The following RAPGEF5 variants were observed in gnomAD, a reference collection of about 807,000 sequenced individuals.
The protein encoded by RAPGEF5 is M-Ras-regulated GEF.
RAPGEF5 carries 65 observed loss-of-function variants against 125.2 expected under a neutral mutation model. The ratio of observed to expected loss-of-function variants is 0.52; its 90% confidence interval spans 0.43 to 0.64. RAPGEF5 has a LOEUF of 0.64. Among genes scored for constraint, RAPGEF5 ranks in the 30% least tolerant of loss-of-function variants. The pLI is 0.00. For synonymous variants in RAPGEF5, 391 were observed against 385.9 expected, an observed-to-expected ratio of 1.01 and a Z score of -0.16; for missense variants, 958 against 1,048.1, an observed-to-expected ratio of 0.91 and a Z score of 1.19.
chr7:22,348,265 G>C (rs1411288719), intron 1 of RAPGEF5, among the ~76,000 whole-genome samples: 2 of 152,166 alleles, frequency 1.3e-5, no homozygotes, highest in Non-Finnish European at 2.9e-5. Flanking sequence ...ATTCCATGCA[G>C]GTAATCATAG....
In RAPGEF5 at chr7:22,160,567, C is replaced by G. The variant is rs1252929807; in HGVS notation, c.1477G>C (p.Glu493Gln). Residue 493 changes from glutamate (E) to glutamine (Q), a missense_variant, in exon 14 of 26, where the codon GAA becomes CAA. Coordinates refer to ENST00000665637, the MANE Select transcript of RAPGEF5 (RefSeq NM_012294.5). ...LDDVYEYPILEKELKEFQKIL... is the reference protein window; with the variant it reads ...LDDVYEYPILQKELKEFQKIL... Reference sequence around the variant, plus strand: ...TTTTGAAATTCTTTCAATTCTTTTTCAAGTATTGGATATTCATAAACATCA... The same window carrying G: ...TTTTGAAATTCTTTCAATTCTTTTTGAAGTATTGGATATTCATAAACATCA... 1.7e-5 allele frequency: 27 copies of G among 1,548,654 alleles called. No homozygotes were observed. The highest frequency in any genetic ancestry group is 2.4e-5 in the Non-Finnish European group (27 of 1,146,668).
intron 7 of RAPGEF5, among the ~76,000 whole-genome samples, chr7:22,256,813 CCAA>C (rs1343931987): frequency 2.0e-5 from 3 of 152,154 alleles, no homozygotes; most frequent in Non-Finnish European, 4.4e-5. Context: ...AATAAGCAAT[CCAA>C]CAACGAGAAA....
intron 1 of RAPGEF5, among the ~76,000 whole-genome samples, chr7:22,319,882 T>G (rs1259583404): frequency 6.6e-6 from 1 of 151,926 alleles, no homozygotes; most frequent in Non-Finnish European, 1.5e-5. Flanking sequence ...AGGGGCATTT[T>G]CACAAAAGAA....
chr7:22,306,086 C>G (rs112224854), intron 5 of RAPGEF5, among the ~76,000 whole-genome samples: 1 of 152,152 alleles, frequency 6.6e-6, no homozygotes, highest in African/African-American at 2.4e-5. Flanking sequence ...TTACTGGATA[C>G]TATGGTTGCT....
chr7:22,263,931 A>G (rs538025569), intron 7 of RAPGEF5, among the ~76,000 whole-genome samples: 1 of 152,218 alleles, frequency 6.6e-6, no homozygotes, highest in South Asian at 2.1e-4. Flanking sequence ...GTTTTTTTCA[A>G]TGAGCATGTT....
In RAPGEF5 at chr7:22,333,490, T is replaced by C. The variant is rs1783961653; in HGVS notation, c.232-15453A>G. ...TCAACAAAAGAATGGACAGCTGTAG[T>C]TTTCTTTGAGCCAAATTTAAAGAAT... On this transcript the variant is annotated intron_variant, in intron 1 of 25. Coordinates refer to ENST00000665637, the MANE Select transcript of RAPGEF5 (RefSeq NM_012294.5). 2.6e-5 allele frequency among the ~76,000 whole-genome samples: 4 copies of C among 152,324 alleles called. No individual in the cohort carries two copies. In the South Asian group the frequency reaches 8.3e-4, roughly 32 times the overall value.
chr7:22,139,534 C>T (rs535931805), intron 21 of RAPGEF5, among the ~76,000 whole-genome samples: 4 of 152,358 alleles, frequency 2.6e-5, no homozygotes, highest in East Asian at 3.9e-4. Flanking sequence ...AAACAGCCTT[C>T]GGCGTGCAGA....
At chr7:22,293,629 C>T (rs1782984639) in intron 5 of RAPGEF5, among the ~76,000 whole-genome samples, 1 of 152,136 alleles carries the variant, frequency 6.6e-6, no homozygotes, top group Non-Finnish European at 1.5e-5. Context: ...AAGGATTTTC[C>T]TCACTTGCCC....
At position 22,309,950 on chromosome 7, in the gene RAPGEF5, T is replaced by C; in HGVS notation, c.511+19A>G. The C allele has an allele frequency of 6.4e-7, 1 of 1,555,794 alleles. No individual in the cohort carries two copies. The highest frequency in any genetic ancestry group is 8.6e-7 in the Non-Finnish European group (1 of 1,160,736). On this transcript the variant is annotated intron_variant, in intron 4 of 25. Transcript: ENST00000665637. The stretch of plus-strand genomic sequence containing the variant: ...CTTAATAAAATAATGATGCTGTGCC[T>C]TCAAGACATAATACTAACCTGATAA...
intron 4 of RAPGEF5, among the ~76,000 whole-genome samples, chr7:22,308,788 G>A (rs1180956010): frequency 6.6e-6 from 1 of 152,174 alleles, no homozygotes; most frequent in Admixed American, 6.5e-5. Flanking sequence ...ACAATTCAAA[G>A]AGGATGGGGA....
chr7:22,236,577 G>A (rs1054396561), intron 7 of RAPGEF5, among the ~76,000 whole-genome samples: 4 of 152,078 alleles, frequency 2.6e-5, no homozygotes, highest in Non-Finnish European at 5.9e-5. Context: ...TCCTTCCCCT[G>A]AGCCTTCACC....
intron 21 of RAPGEF5, among the ~76,000 whole-genome samples, chr7:22,138,006 T>C (rs1783130003): frequency 6.7e-6 from 1 of 148,446 alleles, no homozygotes. Context: ...GTTTGGAAAC[T>C]ACACACACAC....
intron 19 of RAPGEF5, among the ~76,000 whole-genome samples, chr7:22,145,632 G>A (rs1783410322): frequency 6.6e-6 from 1 of 152,140 alleles, no homozygotes; most frequent in Non-Finnish European, 1.5e-5. Flanking sequence ...TAAGACAGTG[G>A]TCCTCAAATT....
At chr7:22,239,082 G>A (rs1345506478) in intron 7 of RAPGEF5, among the ~76,000 whole-genome samples, 2 of 152,186 alleles carry the variant, frequency 1.3e-5, no homozygotes, top group Non-Finnish European at 2.9e-5. Flanking sequence ...GATGTTTGAT[G>A]AGTCAGTGAG....
At chr7:22,320,567 A>G (rs1175752085) in intron 1 of RAPGEF5, among the ~76,000 whole-genome samples, 1 of 152,156 alleles carries the variant, frequency 6.6e-6, no homozygotes, top group African/African-American at 2.4e-5. Flanking sequence ...CACCCTTGAA[A>G]ATGCACCCCC....
At chr7:22,218,737 A>G (rs1785702307) in intron 9 of RAPGEF5, among the ~76,000 whole-genome samples, 1 of 152,232 alleles carries the variant, frequency 6.6e-6, no homozygotes, top group African/African-American at 2.4e-5. Context: ...ACAAGGTGCT[A>G]AAGTTTTCAA....
intron 6 of RAPGEF5, among the ~76,000 whole-genome samples, chr7:22,283,046 T>C (rs201542742): frequency 6.1e-5 from 9 of 148,358 alleles, no homozygotes; most frequent in African/African-American, 9.9e-5. Context: ...TGTAAAAAAA[T>C]ACACACACAC....
chr7:22,133,331 T>C (rs1223549171), intron 23 of RAPGEF5, among the ~76,000 whole-genome samples: 2 of 151,984 alleles, frequency 1.3e-5, no homozygotes, highest in East Asian at 1.9e-4. Context: ...TTCGATGCAG[T>C]TGAATGGCAG....
intron 9 of RAPGEF5, among the ~76,000 whole-genome samples, chr7:22,204,599 G>A (rs572227236): frequency 4.2e-4 from 64 of 152,296 alleles, no homozygotes; most frequent in African/African-American, 1.5e-3. Flanking sequence ...ATGAGAGTGA[G>A]GAGATACAAA....
Sources: allele counts gnomAD v4.1 joint callset (sites outside exome capture counted in the v4.1 genomes callset), GRCh38; gene constraint gnomAD v4.1.1; transcripts MANE v1.5; gene names NCBI Gene and HGNC (gene_info 2026-07-23, HGNC 2026-07-21).